The following ELOVL5 variants were observed in gnomAD, a reference collection of about 807,000 sequenced individuals.
ELOVL5 encodes the protein ELOVL fatty acid elongase 5.
ELOVL5 carries 8 observed loss-of-function variants against 38.6 expected under a neutral mutation model. The ratio of observed to expected loss-of-function variants is 0.21; its 90% CI spans 0.12 to 0.37. The LOEUF (loss-of-function observed/expected upper bound fraction) is 0.37, where lower values mean the gene tolerates loss of function less well. Ranked by LOEUF, ELOVL5 falls within the 10% of genes least tolerant of loss-of-function variation. The probability of loss-of-function intolerance (pLI) is 1.00; values close to 1 mark genes in which losing one functional copy is unlikely to be tolerated. For missense variants in ELOVL5, 280 were observed against 367.8 expected (o/e 0.76, Z 1.95); for synonymous variants, 127 against 133.7 (o/e 0.95, Z 0.34).
rs1561878399 is a variant in ELOVL5 at position 53,306,228 on chromosome 6, AGAG to A, written c.-8-10524_-8-10522del. 7.1e-4 allele frequency among the ~76,000 whole-genome samples: 16 copies of A among 22,592 alleles called. No individual in the cohort carries two copies. The African/African-American group carries it at 7.8e-3, about 11-fold the overall frequency. 14.8% of individuals were successfully genotyped at this position (22,592 alleles called of 152,430 possible). A position where few individuals can be genotyped will look rare whatever the true frequency, so the allele number is the denominator to read the frequency against. ...GGAGAAAGGGGAGAGGGGAGAGGGG[AGAG>A]GGGAGAGGGAGAGGGGAGAGGGGAG... On this transcript the variant is annotated intron_variant, in intron 1 of 7. Transcript: ENST00000304434.
At chr6:53,271,289 C>T (rs1386853805) in intron 6 of ELOVL5, among the ~76,000 whole-genome samples, 2 of 151,924 alleles carry the variant, frequency 1.3e-5, no homozygotes, top group African/African-American at 2.4e-5. Flanking sequence ...TGGTGGCTCA[C>T]GCCTGTAATT....
At chr6:53,283,679 A>G (rs1421533722) in intron 3 of ELOVL5, among the ~76,000 whole-genome samples, 1 of 152,208 alleles carries the variant, frequency 6.6e-6, no homozygotes, top group Non-Finnish European at 1.5e-5. Context: ...AGGAAGTAGG[A>G]GTGAATGGAA....
intron 3 of ELOVL5, among the ~76,000 whole-genome samples, chr6:53,287,523 G>A (rs1237201261): frequency 6.6e-6 from 1 of 152,184 alleles, no homozygotes; most frequent in Non-Finnish European, 1.5e-5. Flanking sequence ...ATCATAGTCC[G>A]TGGGAACAAT....
At chr6:53,322,294 GAAGT>G (rs1768331226) in intron 1 of ELOVL5, among the ~76,000 whole-genome samples, 1 of 152,160 alleles carries the variant, frequency 6.6e-6, no homozygotes, top group Non-Finnish European at 1.5e-5. Context: ...TTAAGAACTT[GAAGT>G]AAGAAGACTC....
intron 1 of ELOVL5, among the ~76,000 whole-genome samples, chr6:53,306,011 G>C (rs921806240): frequency 4.6e-5 from 7 of 151,752 alleles, no homozygotes; most frequent in African/African-American, 9.7e-5. Context: ...AGACCAGCCC[G>C]GCCAACACAG....
chr6:53,283,909 T>TA (rs771980192), intron 3 of ELOVL5, among the ~76,000 whole-genome samples: 30 of 151,454 alleles, frequency 2.0e-4, no homozygotes, highest in African/African-American at 5.3e-4. Context: ...AAGAACTACT[T>TA]ACGAAAAAAA....
intron 1 of ELOVL5, among the ~76,000 whole-genome samples, chr6:53,323,371 C>A (rs1012438712): frequency 2.0e-5 from 3 of 152,042 alleles, no homozygotes; most frequent in African/African-American, 7.3e-5. Context: ...GTTTTTCTTC[C>A]CCATTCAAAT....
At chr6:53,336,315 T>C (rs1355291639) in intron 1 of ELOVL5, among the ~76,000 whole-genome samples, 1 of 152,158 alleles carries the variant, frequency 6.6e-6, no homozygotes, top group Non-Finnish European at 1.5e-5. Flanking sequence ...CCGACATGTA[T>C]GGTGTACTTT....
intron 1 of ELOVL5, among the ~76,000 whole-genome samples, chr6:53,338,569 G>C (rs922320659): frequency 6.6e-6 from 1 of 151,724 alleles, no homozygotes; most frequent in Admixed American, 6.6e-5. Flanking sequence ...GACAATCAAT[G>C]GCCAAGGTAG....
intron 1 of ELOVL5, among the ~76,000 whole-genome samples, chr6:53,335,280 G>A (rs376069868): frequency 2.3e-4 from 35 of 152,284 alleles, no homozygotes; most frequent in African/African-American, 7.9e-4. Context: ...AAAGGCTCCG[G>A]GGAAAATGAC....
At chr6:53,344,341 A>T (rs1465229998) in intron 1 of ELOVL5, among the ~76,000 whole-genome samples, 3 of 152,056 alleles carry the variant, frequency 2.0e-5, no homozygotes, top group Non-Finnish European at 4.4e-5. Flanking sequence ...TACCTCTCTC[A>T]AGTCTGTGCT....
In ELOVL5 at chr6:53,302,784, A is replaced by C. The variant is rs73433464; in HGVS notation, c.-8-7077T>G. Among the ~76,000 whole-genome samples the C allele has an allele frequency of 3.3e-3, 507 of 152,300 alleles. 4 individuals are homozygous for C. The highest frequency in any genetic ancestry group is 8.4e-3 in the African/African-American group (350 of 41,580). On this transcript the variant is annotated intron_variant, in intron 1 of 7. Coordinates refer to ENST00000304434, the MANE Select transcript of ELOVL5 (RefSeq NM_021814.5). ...TGGTTTGTCTGGCTTCTAAGGCAGCAGTCAGCTTGCTTTGAAAGCTCCCTT... is the reference window on the plus strand; with the variant it reads ...TGGTTTGTCTGGCTTCTAAGGCAGCCGTCAGCTTGCTTTGAAAGCTCCCTT...
At chr6:53,288,671 TCA>T (rs1766660671) in intron 3 of ELOVL5, among the ~76,000 whole-genome samples, 1 of 152,246 alleles carries the variant, frequency 6.6e-6, no homozygotes, top group African/African-American at 2.4e-5. Flanking sequence ...AAACTCGGTT[TCA>T]CAGTTTTAAA....
chr6:53,307,816 C>A (rs1041445881), intron 1 of ELOVL5, among the ~76,000 whole-genome samples: 11 of 152,110 alleles, frequency 7.2e-5, no homozygotes, highest in African/African-American at 2.7e-4. Context: ...ATCTGATAAG[C>A]CTTTTTTTTT....
chr6:53,324,661 G>C (rs209503), intron 1 of ELOVL5, among the ~76,000 whole-genome samples: 2 of 115,720 alleles, frequency 1.7e-5, no homozygotes, highest in South Asian at 5.4e-4. Context: ...GTGACAAGAG[G>C]GAGATCCTGT....
intron 3 of ELOVL5, among the ~76,000 whole-genome samples, chr6:53,284,721 G>A (rs757391094): frequency 2.0e-5 from 3 of 152,114 alleles, no homozygotes; most frequent in Admixed American, 6.6e-5. Flanking sequence ...ACAACAGCAC[G>A]TGTTCACTAT....
At chr6:53,288,946 G>A (rs1367135452) in intron 3 of ELOVL5, among the ~76,000 whole-genome samples, 1 of 152,126 alleles carries the variant, frequency 6.6e-6, no homozygotes, top group African/African-American at 2.4e-5. Context: ...TGCTCCTGTA[G>A]TCCCAGCCAC....
intron 1 of ELOVL5, among the ~76,000 whole-genome samples, chr6:53,347,998 G>C (rs921766378): frequency 2.0e-5 from 3 of 147,074 alleles, no homozygotes; most frequent in East Asian, 4.1e-4. Context: ...ACACACTCTA[G>C]CTCCCCCGGC....
chr6:53,316,076 A>G (rs1353163780), intron 1 of ELOVL5, among the ~76,000 whole-genome samples: 1 of 152,202 alleles, frequency 6.6e-6, no homozygotes, highest in Non-Finnish European at 1.5e-5. Flanking sequence ...ATTAAATGAG[A>G]TAATAAAATT....
Sources: allele counts gnomAD v4.1 joint callset (sites outside exome capture counted in the v4.1 genomes callset), GRCh38; gene constraint gnomAD v4.1.1; transcripts MANE v1.5; gene names NCBI Gene and HGNC (gene_info 2026-07-23, HGNC 2026-07-21).